Variants in GABRB2 observed in about 807,000 individuals in gnomAD.
GABRB2 encodes gamma-aminobutyric acid receptor subunit beta-2.
GABRB2 carries 16 observed loss-of-function variants against 54.7 expected under a neutral mutation model. That is an observed-to-expected ratio of 0.29 (90% CI 0.20 to 0.44). The LOEUF is 0.44. GABRB2 is among the 20% of genes least tolerant of loss of function. The pLI is 1.00. For synonymous variants in GABRB2, 244 were observed against 233.8 expected, an observed-to-expected ratio of 1.04 and a Z score of -0.40; for missense variants, 355 against 644.0, an observed-to-expected ratio of 0.55 and a Z score of 4.86.
At chr5:161,399,937 G>A (rs1307181335) in intron 5 of GABRB2, among the ~76,000 whole-genome samples, 4 of 152,160 alleles carry the variant, frequency 2.6e-5, no homozygotes, top group East Asian at 1.9e-4. Context: ...TGGTGATGGC[G>A]ATAATGTAAT....
At chr5:161,524,561 G>T (rs1380489842) in intron 3 of GABRB2, among the ~76,000 whole-genome samples, 1 of 151,106 alleles carries the variant, frequency 6.6e-6, no homozygotes, top group Non-Finnish European at 1.5e-5. Context: ...TACCTCAGAT[G>T]TAAGAAAAGC....
Position 161,326,380 on chromosome 5 carries a change from GA to G in GABRB2, c.1178del (p.Phe393SerfsTer14). The G allele has an allele frequency of 6.2e-7, 1 of 1,613,598 alleles. No individual in the cohort carries two copies. The highest frequency in any genetic ancestry group is 8.5e-7 in the Non-Finnish European group (1 of 1,179,612). ...SPTRRTTNYD[F>X]SLYTMDPHEN... ...CTGGCTATCTAACCGTATACAGAGA[GA>G]AATCGTAATTGGTAGTCCGTCTAGT... On this transcript the variant is annotated frameshift_variant, in exon 9 of 10. Coordinates refer to ENST00000393959, the MANE Select transcript of GABRB2 (RefSeq NM_001371727.1). LOFTEE classifies it high-confidence loss of function.
intron 5 of GABRB2, among the ~76,000 whole-genome samples, chr5:161,356,822 G>A (rs1754645454): frequency 6.6e-6 from 1 of 152,096 alleles, no homozygotes; most frequent in Admixed American, 6.6e-5. Flanking sequence ...AAAGAACCCT[G>A]GATATTTTTG....
rs768803587 is a variant in GABRB2 at position 161,546,421 on chromosome 5, A to G, written c.78-8T>C. The G allele has an allele frequency of 1.2e-6, 2 of 1,610,766 alleles. No homozygotes were observed. The highest frequency in any genetic ancestry group is 1.7e-6 in the Non-Finnish European group (2 of 1,176,902). On this transcript the variant is annotated splice_region_variant and splice_polypyrimidine_tract_variant and intron_variant, in intron 1 of 9. Transcript: ENST00000393959. ...TTACTAGGGTCATTGACACTAAAGA[A>G]AGAAATGACAATAAGCAGGCATCAA...
intron 3 of GABRB2, among the ~76,000 whole-genome samples, chr5:161,515,626 TGTTAGA>T (rs1228187789): frequency 2.6e-5 from 4 of 152,294 alleles, no homozygotes; most frequent in South Asian, 2.1e-4. Flanking sequence ...TATCTAAGCT[TGTTAGA>T]GTTAAAGGTT....
chr5:161,526,896 C>T (rs554900149), intron 3 of GABRB2, among the ~76,000 whole-genome samples: 1 of 151,236 alleles, frequency 6.6e-6, no homozygotes, highest in Non-Finnish European at 1.5e-5. Context: ...GGAAACATAC[C>T]GTGTCCTTCA....
At chr5:161,435,708 C>A (rs1033349490) in intron 4 of GABRB2, among the ~76,000 whole-genome samples, 2 of 152,078 alleles carry the variant, frequency 1.3e-5, no homozygotes, top group African/African-American at 4.8e-5. Flanking sequence ...GCATCCATTG[C>A]CTCATATTTC....
chr5:161,518,077 G>A (rs1317677009), intron 3 of GABRB2, among the ~76,000 whole-genome samples: 1 of 152,126 alleles, frequency 6.6e-6, no homozygotes, highest in African/African-American at 2.4e-5. Flanking sequence ...CAAAGTGCTA[G>A]GATTACCGGT....
intron 9 of GABRB2, among the ~76,000 whole-genome samples, chr5:161,305,869 T>C (rs534444002): frequency 2.0e-5 from 3 of 152,322 alleles, no homozygotes; most frequent in South Asian, 2.1e-4. Context: ...TATGTTTTTT[T>C]CCCTGGGATT....
intron 3 of GABRB2, among the ~76,000 whole-genome samples, chr5:161,462,153 T>A (rs1022482177): frequency 6.6e-6 from 1 of 152,310 alleles, no homozygotes; most frequent in East Asian, 1.9e-4. Flanking sequence ...TCAAAAGACA[T>A]ATTAATATCC....
intron 9 of GABRB2, among the ~76,000 whole-genome samples, chr5:161,303,561 C>G (rs252978): frequency 0.11 from 16,269 of 152,004 alleles, 1,009 homozygotes; most frequent in Non-Finnish European, 0.14. Flanking sequence ...GATGGTTTTG[C>G]AGGAAGTAAG....
intron 8 of GABRB2, 125 bp downstream of exon 8, chr5:161,330,758 G>A: frequency 7.5e-7 from 1 of 1,336,386 alleles, no homozygotes; most frequent in Non-Finnish European, 1.0e-6. Context: ...GTGTGCTTTG[G>A]GGAAAATTAC....
Position 161,463,558 on chromosome 5 carries a change from T to TATATAA in GABRB2, c.238-3715_238-3714insTTATAT, listed in dbSNP as rs1561659504. On this transcript the variant is annotated intron_variant, in intron 3 of 9. Coordinates refer to ENST00000393959, the MANE Select transcript of GABRB2 (RefSeq NM_001371727.1). Reference sequence around the variant, plus strand: ...AGGTGATTCCAAATATTTTTATTTATATATATATATATATATATATATATA... The same window carrying TATATAA: ...AGGTGATTCCAAATATTTTTATTTATATATAAATATATATATATATATATATATATA... 1.2e-4 allele frequency among the ~76,000 whole-genome samples: 5 copies of TATATAA among 41,136 alleles called. 1 individual carries two copies. In the East Asian group the frequency reaches 3.0e-3, roughly 25 times the overall value. 27.0% of individuals were successfully genotyped at this position (41,136 alleles called of 152,430 possible). A position where few individuals can be genotyped will look rare whatever the true frequency, so the allele number is the denominator to read the frequency against.
chr5:161,315,531 G>A (rs1758003755), intron 9 of GABRB2, among the ~76,000 whole-genome samples: 1 of 151,912 alleles, frequency 6.6e-6, no homozygotes, highest in Non-Finnish European at 1.5e-5. Context: ...ATGATATCAG[G>A]ACCCATTATT....
At chr5:161,373,292 A>T (rs1755184689) in intron 5 of GABRB2, among the ~76,000 whole-genome samples, 1 of 152,198 alleles carries the variant, frequency 6.6e-6, no homozygotes, top group Non-Finnish European at 1.5e-5. Context: ...ATTCCCACTG[A>T]TTCTGTGACT....
At chr5:161,361,010 T>C (rs1754793608) in intron 5 of GABRB2, among the ~76,000 whole-genome samples, 2 of 151,450 alleles carry the variant, frequency 1.3e-5, no homozygotes, top group African/African-American at 2.4e-5. Flanking sequence ...ACCCCGTCTC[T>C]AATAAAAAAA....
At chr5:161,352,946 C>A (rs1754517498) in intron 5 of GABRB2, among the ~76,000 whole-genome samples, 1 of 151,876 alleles carries the variant, frequency 6.6e-6, no homozygotes, top group Non-Finnish European at 1.5e-5. Flanking sequence ...TCAAATTCTG[C>A]CTACTTTCTA....
chr5:161,461,257 T>A (rs916433635), intron 3 of GABRB2, among the ~76,000 whole-genome samples: 2 of 152,208 alleles, frequency 1.3e-5, no homozygotes, highest in African/African-American at 2.4e-5. Context: ...TTCTCAGCTA[T>A]CTAAACAATA....
chr5:161,316,368 T>A (rs1251747555), intron 9 of GABRB2, among the ~76,000 whole-genome samples: 1 of 151,912 alleles, frequency 6.6e-6, no homozygotes, highest in African/African-American at 2.4e-5. Context: ...AAAAAAAAAA[T>A]ATTAGAGGTG....
Sources: allele counts gnomAD v4.1 joint callset (sites outside exome capture counted in the v4.1 genomes callset), GRCh38; gene constraint gnomAD v4.1.1; transcripts MANE v1.5; gene names NCBI Gene and HGNC (gene_info 2026-07-23, HGNC 2026-07-21).